Variants in ZNF33B observed in about 807,000 individuals in gnomAD.
The protein encoded by ZNF33B is zinc finger protein 33B.
ZNF33B carries 29 observed loss-of-function variants against 45.8 expected under a neutral mutation model. The ratio of observed to expected loss-of-function variants is 0.63; its 90% CI spans 0.47 to 0.86. The LOEUF (loss-of-function observed/expected upper bound fraction) is 0.86, where lower values mean the gene tolerates loss of function less well. Ranked by LOEUF, ZNF33B falls within the 40% of genes least tolerant of loss-of-function variation. ZNF33B has a pLI of 0.00. For missense variants in ZNF33B, 831 were observed against 909.9 expected, an observed-to-expected ratio of 0.91 and a Z score of 1.12; for synonymous variants, 305 against 307.8, an observed-to-expected ratio of 0.99 and a Z score of 0.10.
In ZNF33B at chr10:42,632,479, T is replaced by C. The variant is rs1194568965; in HGVS notation, c.10-40A>G. ...ATTAGGTGGCATGAAAAAAGAAGTA[T>C]GGGCTAATCCTTACCATGATTATTA... On this transcript the variant is annotated intron_variant, in intron 2 of 4. Coordinates refer to ENST00000359467, the MANE Select transcript of ZNF33B (RefSeq NM_006955.3). 6 of 1,603,930 alleles carry C rather than the reference T, an allele frequency of 3.7e-6. No individual in the cohort carries two copies. In the Middle Eastern group the frequency reaches 5.0e-4, roughly 133 times the overall value.
chr10:42,617,377 T>G (rs1419240213), intron 4 of ZNF33B, among the ~76,000 whole-genome samples: 1 of 152,078 alleles, frequency 6.6e-6, no homozygotes, highest in Non-Finnish European at 1.5e-5. Context: ...GTGTTGAAAT[T>G]ACAGGCATTT....
At chr10:42,577,728 T>G (rs1019302717) in intron 1 of ZNF33B, among the ~76,000 whole-genome samples, 2 of 152,192 alleles carry the variant, frequency 1.3e-5, no homozygotes, top group African/African-American at 4.8e-5. Context: ...CCTGGCTTCA[T>G]GAGTATCCTG....
chr10:42,624,083 T>G (rs117115860), intron 4 of ZNF33B, among the ~76,000 whole-genome samples: 1 of 152,238 alleles, frequency 6.6e-6, no homozygotes, highest in African/African-American at 2.4e-5. Context: ...CAGCTTGCAG[T>G]TGGCCACTGC....
chr10:42,637,072 A>C (rs1477626719), intron 1 of ZNF33B, 100 bp from the exon 2 acceptor site: 1 of 1,142,810 alleles, frequency 8.8e-7, no homozygotes, highest in Non-Finnish European at 1.3e-6. Context: ...CACTAGGTAA[A>C]ATGCTCCGTC....
At chr10:42,626,136 A>G (rs1356672780) in intron 4 of ZNF33B, among the ~76,000 whole-genome samples, 1 of 152,136 alleles carries the variant, frequency 6.6e-6, no homozygotes, top group East Asian at 1.9e-4. Flanking sequence ...AACTGATGTT[A>G]TATCATTTTT....
At chr10:42,620,517 C>T (rs1838525839) in intron 4 of ZNF33B, among the ~76,000 whole-genome samples, 3 of 151,836 alleles carry the variant, frequency 2.0e-5, no homozygotes, top group Non-Finnish European at 4.4e-5. Flanking sequence ...ATCCTCCTGC[C>T]TCAGCCTCCC....
intron 4 of ZNF33B, among the ~76,000 whole-genome samples, chr10:42,598,919 A>G (rs2132055810): frequency 6.6e-6 from 1 of 152,300 alleles, no homozygotes; most frequent in Admixed American, 6.5e-5. Context: ...TTTAGGAAGT[A>G]TTCCCTCTTC....
rs1386391687 is a variant in ZNF33B, at chr10:42,590,205, T to A, written c.*2408A>T. 2 of 111,422 alleles carry A rather than the reference T, an allele frequency of 1.8e-5. No homozygotes were observed. Among genetic ancestry groups the A allele is most frequent in the East Asian group, 4.4e-4 (2 of 4,536 alleles). 6.9% of individuals were successfully genotyped at this position (111,422 alleles called of 1,614,324 possible). ...TCTGTAGTTTTCCTTTCTTGTAATG[T>A]TTTTGCCTGGCTTTGGTATTAGGGT... On this transcript the variant is annotated 3_prime_UTR_variant, in exon 5 of 5. Transcript: ENST00000359467.
At chr10:42,588,210 C>T (rs960005122), downstream of ZNF33B, among the ~76,000 whole-genome samples, 3 of 152,126 alleles carry the variant, frequency 2.0e-5, no homozygotes, top group Non-Finnish European at 2.9e-5. Context: ...CAGGCTGAGC[C>T]CAAGTCAAGT....
chr10:42,585,299 C>T (rs1836909561), downstream of ZNF33B, among the ~76,000 whole-genome samples: 1 of 152,226 alleles, frequency 6.6e-6, no homozygotes, highest in South Asian at 2.1e-4. Context: ...TGAACACGAC[C>T]TCCTTCCTGT....
intron 1 of ZNF33B, among the ~76,000 whole-genome samples, chr10:42,574,981 T>G (rs1339413300): frequency 6.6e-6 from 1 of 152,214 alleles, no homozygotes; most frequent in Admixed American, 6.5e-5. Flanking sequence ...TGGTAAGAGA[T>G]GCCCACCTAA....
chr10:42,614,540 G>A (rs1838232833), intron 4 of ZNF33B, among the ~76,000 whole-genome samples: 1 of 152,214 alleles, frequency 6.6e-6, no homozygotes, highest in Non-Finnish European at 1.5e-5. Context: ...AATAACAGCA[G>A]AAACTGGGTT....
Position 42,631,932 on chromosome 10 carries a change from G to T in ZNF33B, c.247C>A (p.Pro83Thr), listed in dbSNP as rs780227585. 1.9e-6 allele frequency: 3 copies of T among 1,613,778 alleles called. No individual in the cohort carries two copies. Among genetic ancestry groups the T allele is most frequent in the East Asian group, 4.5e-5 (2 of 44,866 alleles). The change falls in exon 4 of 5, where the codon CCA (proline) becomes ACA (threonine). Residue 83 changes from proline (P) to threonine (T), a missense_variant. Physicochemically the swap from Pro to Thr is conservative, Grantham distance 38. Transcript: ENST00000359467. ...LEEEFPSQSF[P>T]EVWTADHLKE... ...TGTGCAGTACATATTAACCCACCTG[G>T]AAAGCTCTGGCTTGGGAATTCTTCC...
At chr10:42,617,443 A>G (rs1316301182) in intron 4 of ZNF33B, among the ~76,000 whole-genome samples, 2 of 152,038 alleles carry the variant, frequency 1.3e-5, no homozygotes, top group African/African-American at 4.8e-5. Context: ...TGGAAGAAAT[A>G]ATGAGAAGAT....
In ZNF33B at chr10:42,591,588, T is replaced by G; in HGVS notation, c.*1025A>C. ...AGGATACCTACTTCCTATTCACAATTACGTTAAATACCATTATGCATATGA... is the reference window on the plus strand; with the variant it reads ...AGGATACCTACTTCCTATTCACAATGACGTTAAATACCATTATGCATATGA... On this transcript the variant is annotated 3_prime_UTR_variant, in exon 5 of 5. Transcript: ENST00000359467. The G allele has an allele frequency of 1.9e-6, 1 of 531,462 alleles. No individual in the cohort carries two copies. Among genetic ancestry groups the G allele is most frequent in the Non-Finnish European group, 2.4e-6 (1 of 415,210 alleles). The allele number at this position is 531,462 out of a possible 1,614,324, so 32.9% of individuals were successfully genotyped here. A position where few individuals can be genotyped will look rare whatever the true frequency, so the allele number is the denominator to read the frequency against.
At chr10:42,612,587 A>G (rs1038822942) in intron 4 of ZNF33B, among the ~76,000 whole-genome samples, 13 of 152,260 alleles carry the variant, frequency 8.5e-5, no homozygotes, top group Admixed American at 1.3e-4. Context: ...ATGGCATCTA[A>G]TTATTTTTAT....
chr10:42,574,619 G>A (rs1178900291), exon 2 of ZNF33B: 1 of 151,916 alleles, frequency 6.6e-6, no homozygotes, highest in Non-Finnish European at 1.5e-5. Context: ...AAGTCAGCAA[G>A]TTTGTGTCTC....
chr10:42,638,325 C>T (rs1024149545), intron 1 of ZNF33B, 149 bp downstream of exon 1: 1 of 306,728 alleles, frequency 3.3e-6, no homozygotes, highest in South Asian at 2.8e-5. Context: ...GCGTAGCGTC[C>T]TGGTAGACAT....
chr10:42,623,215 C>T lies in ZNF33B; in HGVS notation c.250+8714G>A, dbSNP rs139552224. 1.1e-4 allele frequency among the ~76,000 whole-genome samples: 17 copies of T among 152,278 alleles called. No homozygotes were observed. The East Asian group carries it at 2.7e-3, about 24-fold the overall frequency. On this transcript the variant is annotated intron_variant, in intron 4 of 4. Transcript: ENST00000359467. ...ACAGGAGGCAGAGGCTGTGGTGAGC[C>T]GAGATCGTGCCACTGCACTCTGGCC...
Sources: allele counts gnomAD v4.1 joint callset (sites outside exome capture counted in the v4.1 genomes callset), GRCh38; gene constraint gnomAD v4.1.1; transcripts MANE v1.5; gene names NCBI Gene and HGNC (gene_info 2026-07-23, HGNC 2026-07-21).